PLCB1: variants seen among roughly 807,000 people sequenced by gnomAD.
The protein encoded by PLCB1 is 1-phosphatidylinositol 4,5-bisphosphate phosphodiesterase beta-1.
A neutral mutation model predicts 161.8 loss-of-function variants in PLCB1; 46 were observed. The observed-to-expected ratio is 0.28, with a 90% confidence interval of 0.22 to 0.36. The LOEUF is 0.36. Among genes scored for constraint, PLCB1 ranks in the 10% least tolerant of loss-of-function variants. The pLI is 1.00. For missense variants in PLCB1, 1,016 were observed against 1,472.5 expected, an observed-to-expected ratio of 0.69 and a Z score of 5.07; for synonymous variants, 517 against 503.7, an observed-to-expected ratio of 1.03 and a Z score of -0.35.
intron 2 of PLCB1, among the ~76,000 whole-genome samples, chr20:8,197,997 C>T (rs2052045855): frequency 6.6e-6 from 1 of 152,090 alleles, no homozygotes; most frequent in Non-Finnish European, 1.5e-5. Context: ...TCTGAGGGCT[C>T]TGTTCTGTTC....
intron 3 of PLCB1, among the ~76,000 whole-genome samples, chr20:8,400,449 A>T (rs139938463): frequency 3.3e-5 from 5 of 152,150 alleles, no homozygotes; most frequent in African/African-American, 9.7e-5. Flanking sequence ...ATGTTTTTAA[A>T]TTGTTTTTAT....
intron 3 of PLCB1, among the ~76,000 whole-genome samples, chr20:8,457,888 T>C (rs148681262): frequency 1.5e-3 from 226 of 152,296 alleles, no homozygotes; most frequent in African/African-American, 5.2e-3. Flanking sequence ...ATAAAGTTAT[T>C]TTTAAATATG....
chr20:8,359,360 T>A (rs1986466417), intron 2 of PLCB1, among the ~76,000 whole-genome samples: 1 of 152,152 alleles, frequency 6.6e-6, no homozygotes, highest in African/African-American at 2.4e-5. Flanking sequence ...ATAGTTTTTT[T>A]ATTATTTTAA....
At chr20:8,693,458 C>G (rs1042239544) in intron 10 of PLCB1, among the ~76,000 whole-genome samples, 1 of 152,170 alleles carries the variant, frequency 6.6e-6, no homozygotes, top group Non-Finnish European at 1.5e-5. Flanking sequence ...ATAATACATT[C>G]TCTGCATTTT....
At chr20:8,441,883 T>C (rs966545877) in intron 3 of PLCB1, among the ~76,000 whole-genome samples, 1 of 152,192 alleles carries the variant, frequency 6.6e-6, no homozygotes, top group Non-Finnish European at 1.5e-5. Context: ...TTATAACTGT[T>C]ACATAGTTAA....
chr20:8,525,300 C>A (rs1168293237), intron 3 of PLCB1, among the ~76,000 whole-genome samples: 1 of 151,380 alleles, frequency 6.6e-6, no homozygotes, highest in Non-Finnish European at 1.5e-5. Flanking sequence ...TGGAAAAAAC[C>A]TGACCTTGGG....
chr20:8,570,100 A>G (rs1986458627), intron 3 of PLCB1, among the ~76,000 whole-genome samples: 1 of 152,170 alleles, frequency 6.6e-6, no homozygotes. Flanking sequence ...TTTGATGCCA[A>G]CAGAAACTAG....
chr20:8,724,774 AC>A (rs776875929), intron 16 of PLCB1, 22 bp downstream of exon 16: 8 of 1,274,924 alleles, frequency 6.3e-6, no homozygotes, highest in Non-Finnish European at 9.2e-6. Flanking sequence ...CTGGAGAAAA[AC>A]CCCTCTTGCA....
intron 3 of PLCB1, among the ~76,000 whole-genome samples, chr20:8,593,402 C>T (rs1444948103): frequency 6.6e-6 from 1 of 152,060 alleles, no homozygotes; most frequent in Admixed American, 6.6e-5. Context: ...CTCTGTTTCC[C>T]AGGCTGGCCT....
At chr20:8,763,901 T>A (rs1982174148) in intron 25 of PLCB1, among the ~76,000 whole-genome samples, 1 of 151,496 alleles carries the variant, frequency 6.6e-6, no homozygotes, top group African/African-American at 2.4e-5. Flanking sequence ...TGGTGACTCA[T>A]GCCTGGAAAT....
At chr20:8,727,193 TTATTTGCCCTC>T in intron 16 of PLCB1, 105 bp from the exon 17 acceptor site, 1 of 545,720 alleles carries the variant, frequency 1.8e-6, no homozygotes, top group South Asian at 2.7e-5. Flanking sequence ...ACATTGAGGA[TTATTTGCCCTC>T]AACTTCACTG....
Position 8,254,980 on chromosome 20 carries a change from CGTT to C in PLCB1, c.177+104612_177+104614del, listed in dbSNP as rs1260357535. On this transcript the variant is annotated intron_variant, in intron 2 of 31. Coordinates refer to ENST00000338037, the MANE Select transcript of PLCB1 (RefSeq NM_015192.4). ...TGAAAAGCACCAGGCACTTGTTAAT[CGTT>C]GTCATTACTATATTGGAAAAACTAC... Among the ~76,000 whole-genome samples the C allele has an allele frequency of 9.9e-5, 15 of 152,096 alleles. No homozygotes were observed. The South Asian group carries it at 2.9e-3, about 29-fold the overall frequency.
At chr20:8,492,309 A>ACT (rs1982980692) in intron 3 of PLCB1, among the ~76,000 whole-genome samples, 1 of 151,488 alleles carries the variant, frequency 6.6e-6, no homozygotes, top group South Asian at 2.1e-4. Flanking sequence ...AACTTATTTG[A>ACT]CTCTGTGTGT....
intron 10 of PLCB1, among the ~76,000 whole-genome samples, chr20:8,686,111 A>G (rs1990352255): frequency 6.6e-6 from 1 of 152,234 alleles, no homozygotes; most frequent in Non-Finnish European, 1.5e-5. Flanking sequence ...TTGGAATATA[A>G]TACACAGATC....
intron 2 of PLCB1, among the ~76,000 whole-genome samples, chr20:8,234,988 G>A (rs572662270): frequency 6.6e-6 from 1 of 152,194 alleles, no homozygotes; most frequent in East Asian, 1.9e-4. Context: ...TATGCCTGAT[G>A]AGTAGTGATT....
chr20:8,691,767 G>A (rs563369208), intron 10 of PLCB1, among the ~76,000 whole-genome samples: 1 of 152,086 alleles, frequency 6.6e-6, no homozygotes, highest in Non-Finnish European at 1.5e-5. Context: ...ATATCAAGAT[G>A]CCCAGAAGTA....
intron 2 of PLCB1, among the ~76,000 whole-genome samples, chr20:8,236,002 G>A (rs1487406809): frequency 6.6e-6 from 1 of 152,096 alleles, no homozygotes; most frequent in African/African-American, 2.4e-5. Flanking sequence ...AAAGATACAT[G>A]TTCTTTCCAA....
chr20:8,683,243 G>T (rs1017106516), intron 9 of PLCB1, among the ~76,000 whole-genome samples: 1 of 151,960 alleles, frequency 6.6e-6, no homozygotes, highest in Non-Finnish European at 1.5e-5. Context: ...TTTCTGGGAG[G>T]ATACACACCA....
intron 3 of PLCB1, among the ~76,000 whole-genome samples, chr20:8,520,651 C>T (rs1218696631): frequency 6.6e-6 from 1 of 152,106 alleles, no homozygotes; most frequent in Non-Finnish European, 1.5e-5. Flanking sequence ...TCCATGTTGC[C>T]CTATTTTAGC....
Sources: allele counts gnomAD v4.1 joint callset (sites outside exome capture counted in the v4.1 genomes callset), GRCh38; gene constraint gnomAD v4.1.1; transcripts MANE v1.5; gene names NCBI Gene and HGNC (gene_info 2026-07-23, HGNC 2026-07-21).